TBC1D5: variants seen among roughly 807,000 people sequenced by gnomAD.
TBC1D5 encodes the protein TBC1 domain family, member 5.
TBC1D5 carries 75 observed loss-of-function variants against 100.3 expected under a neutral mutation model. The observed-to-expected ratio is 0.75, with a 90% CI of 0.62 to 0.91. The LOEUF is 0.91. Among genes scored for constraint, TBC1D5 ranks in the 40% least tolerant of loss-of-function variants. The pLI, the probability that TBC1D5 is intolerant of heterozygous loss-of-function variation, is 0.00. For missense variants in TBC1D5, 910 were observed against 942.4 expected, an observed-to-expected ratio of 0.97 and a Z score of 0.45; for synonymous variants, 323 against 325.6, an observed-to-expected ratio of 0.99 and a Z score of 0.09.
chr3:17,321,922 T>C (rs1400514086), intron 13 of TBC1D5, among the ~76,000 whole-genome samples: 15 of 152,244 alleles, frequency 9.9e-5, no homozygotes, highest in Admixed American at 9.8e-4. Context: ...TATATCTAAC[T>C]GATTAAAGGT....
At chr3:17,532,831 T>G in intron 2 of TBC1D5, among the ~76,000 whole-genome samples, 1 of 108,396 alleles carries the variant, frequency 9.2e-6, no homozygotes, top group Non-Finnish European at 1.8e-5. Context: ...CACCGGGGAC[T>G]GTTATGGGGT....
chr3:17,671,577 A>G (rs563803111), intron 1 of TBC1D5, among the ~76,000 whole-genome samples: 2 of 152,362 alleles, frequency 1.3e-5, no homozygotes. Context: ...GTACAAAACA[A>G]GGCATCTTCT....
intron 1 of TBC1D5, among the ~76,000 whole-genome samples, chr3:17,701,929 GAA>G (rs1346621911): frequency 6.6e-6 from 1 of 151,612 alleles, no homozygotes; most frequent in Non-Finnish European, 1.5e-5. Context: ...ACTTAGTAAA[GAA>G]AGTTATTGGA....
intron 19 of TBC1D5, among the ~76,000 whole-genome samples, chr3:17,170,090 T>A (rs758830733): frequency 1.3e-5 from 2 of 152,242 alleles, no homozygotes; most frequent in Non-Finnish European, 2.9e-5. Context: ...GGGCCAGTAC[T>A]GGTGCATGAC....
intron 13 of TBC1D5, among the ~76,000 whole-genome samples, chr3:17,360,699 T>C (rs996515357): frequency 6.6e-6 from 1 of 151,994 alleles, no homozygotes; most frequent in Non-Finnish European, 1.5e-5. Context: ...TTCTAATAAA[T>C]ACAAATTTAA....
intron 2 of TBC1D5, among the ~76,000 whole-genome samples, chr3:17,562,539 T>C (rs1326520858): frequency 6.7e-6 from 1 of 149,472 alleles, no homozygotes; most frequent in Non-Finnish European, 1.5e-5. Context: ...GAAAGAAAGA[T>C]TCCCTATACA....
chr3:17,693,635 T>G (rs1377229319), intron 1 of TBC1D5, among the ~76,000 whole-genome samples: 1 of 152,194 alleles, frequency 6.6e-6, no homozygotes, highest in South Asian at 2.1e-4. Flanking sequence ...GCCGCTAGAC[T>G]CCACCTCCGT....
intron 3 of TBC1D5, among the ~76,000 whole-genome samples, chr3:17,447,297 G>A (rs2094821931): frequency 6.6e-6 from 1 of 152,172 alleles, no homozygotes; most frequent in African/African-American, 2.4e-5. Flanking sequence ...ATCAGCACGG[G>A]ACTTTTCATC....
At chr3:17,350,967 A>G (rs922751603) in intron 13 of TBC1D5, among the ~76,000 whole-genome samples, 19 of 152,320 alleles carry the variant, frequency 1.2e-4, no homozygotes, top group Admixed American at 7.9e-4. Context: ...TGGCTTATAT[A>G]TAAGTTATAC....
chr3:17,323,212 C>T (rs115699362), intron 13 of TBC1D5, among the ~76,000 whole-genome samples: 37 of 152,238 alleles, frequency 2.4e-4, no homozygotes, highest in African/African-American at 7.9e-4. Flanking sequence ...AAGGAAATAA[C>T]GCCAGTTTAT....
intron 1 of TBC1D5, among the ~76,000 whole-genome samples, chr3:17,653,304 T>C (rs2065759253): frequency 6.6e-6 from 1 of 152,140 alleles, no homozygotes; most frequent in South Asian, 2.1e-4. Context: ...GTGAATTTTA[T>C]GTTACCTTAA....
In TBC1D5 at chr3:17,652,231, T is replaced by C. The variant is rs1051387210; in HGVS notation, c.-100-28318A>G. Reference sequence around the variant, plus strand: ...CTTTCTACTCTCATTTGCCATCTTATCATAAGTTTCTAGTAGAATAATCTT... The same window carrying C: ...CTTTCTACTCTCATTTGCCATCTTACCATAAGTTTCTAGTAGAATAATCTT... On this transcript the variant is annotated intron_variant, in intron 1 of 21. Transcript: ENST00000253692. Among the ~76,000 whole-genome samples the C allele has an allele frequency of 5.9e-5, 9 of 152,174 alleles. No homozygotes were observed. In the South Asian group the frequency reaches 8.3e-4, roughly 14 times the overall value.
At chr3:17,388,867 AAAAC>A (rs992962558) in intron 8 of TBC1D5, among the ~76,000 whole-genome samples, 21 of 151,914 alleles carry the variant, frequency 1.4e-4, no homozygotes, top group East Asian at 3.9e-4. Flanking sequence ...TGTCTCGAAC[AAAAC>A]AAACAAACAA....
chr3:17,529,240 G>T (rs1391324142), intron 2 of TBC1D5, among the ~76,000 whole-genome samples: 1 of 152,138 alleles, frequency 6.6e-6, no homozygotes, highest in East Asian at 1.9e-4. Flanking sequence ...GAGCTCTCTG[G>T]GCTCTAACCA....
chr3:17,464,690 A>G (rs1429874253), intron 3 of TBC1D5, among the ~76,000 whole-genome samples: 1 of 152,126 alleles, frequency 6.6e-6, no homozygotes, highest in Non-Finnish European at 1.5e-5. Flanking sequence ...CACCCCTACC[A>G]TGTGATTAAA....
intron 15 of TBC1D5, among the ~76,000 whole-genome samples, chr3:17,272,314 T>C (rs1041647878): frequency 1.3e-5 from 2 of 152,194 alleles, no homozygotes; most frequent in Non-Finnish European, 2.9e-5. Context: ...TATTAAATTA[T>C]TTAGGAGTTG....
At chr3:17,450,498 A>C (rs1424010349) in intron 3 of TBC1D5, among the ~76,000 whole-genome samples, 1 of 152,212 alleles carries the variant, frequency 6.6e-6, no homozygotes, top group Admixed American at 6.5e-5. Flanking sequence ...AAAAGGTCAC[A>C]GGAACTGCTA....
chr3:17,180,908 A>G (rs2068365834), intron 19 of TBC1D5, among the ~76,000 whole-genome samples: 1 of 143,480 alleles, frequency 7.0e-6, no homozygotes, highest in Admixed American at 7.2e-5. Flanking sequence ...TACCCCTTAC[A>G]TTTACACCAA....
At chr3:17,689,776 T>A (rs899863024) in intron 1 of TBC1D5, among the ~76,000 whole-genome samples, 2 of 152,130 alleles carry the variant, frequency 1.3e-5, no homozygotes, top group African/African-American at 4.8e-5. Flanking sequence ...AGAAAAACTT[T>A]AGGTTGTTCC....
Sources: gnomAD v4.1 joint callset for allele counts (sites outside exome capture counted in the v4.1 genomes callset) on GRCh38, gnomAD v4.1.1 for gene constraint, MANE v1.5 for transcripts, NCBI Gene and HGNC (gene_info 2026-07-23, HGNC 2026-07-21) for gene names.